MRPL15: variants seen among roughly 807,000 people sequenced by gnomAD.
MRPL15 encodes the protein large ribosomal subunit protein uL15m.
MRPL15 carries 24 observed loss-of-function variants against 28.0 expected under a neutral mutation model. That is an observed-to-expected ratio of 0.86 (90% CI 0.62 to 1.21). The LOEUF is 1.21. Ranked by LOEUF, MRPL15 falls within the 50% of genes most tolerant of loss-of-function variation. MRPL15 has a pLI of 0.00. For synonymous variants in MRPL15, 124 were observed against 137.0 expected (o/e 0.90, Z 0.66); for missense variants, 343 against 372.4 (o/e 0.92, Z 0.65).
chr8:54,136,569 A>C lies in MRPL15; in HGVS notation c.167A>C (p.Glu56Ala). Residue 56 changes from glutamate (E) to alanine (A), a missense_variant, in exon 2 of 5, where the codon GAA (glutamate) becomes GCA (alanine). Transcript: ENST00000260102. ...GRKCGRGHKGERQRGTRPRLG... is the reference protein window; with the variant it reads ...GRKCGRGHKGARQRGTRPRLG... ...AAATGTGGCAGAGGCCATAAAGGAG[A>C]AAGGCAAAGAGGAACCCGGCCCCGC... 1 of 1,614,208 alleles carries C rather than the reference A, an allele frequency of 6.2e-7. No individual in the cohort carries two copies. The highest frequency in any genetic ancestry group is 8.5e-7 in the Non-Finnish European group (1 of 1,180,032).
Position 54,138,832 on chromosome 8 carries a change from T to C in MRPL15, c.429+1399T>C, listed in dbSNP as rs554289493. Among the ~76,000 whole-genome samples, 22 of 152,120 alleles carry C rather than the reference T, an allele frequency of 1.4e-4. No individual in the cohort carries two copies. In the East Asian group the frequency reaches 4.3e-3, roughly 30 times the overall value. ...TTTGATTCATTGCTTTACTTTCTTC[T>C]TTATTTTTTTTGAGACAGTATCTCA... On this transcript the variant is annotated intron_variant, in intron 3 of 4. Transcript: ENST00000260102.
rs1217518964 is a variant in MRPL15, at chr8:54,148,059, A to G, written c.*340A>G. Among the ~76,000 whole-genome samples the G allele has an allele frequency of 6.6e-6, 1 of 152,150 alleles. No homozygotes were observed. The highest frequency in any genetic ancestry group is 1.5e-5 in the Non-Finnish European group (1 of 68,036). ...AGATCAGAATGAAATGCACAAGTGG[A>G]ATGGGATTGACCTGTAGGCCTGCTC... On this transcript the variant is annotated 3_prime_UTR_variant, in exon 5 of 5. Transcript: ENST00000260102.
rs11438921 is a variant in MRPL15, at chr8:54,141,854, A to ATTT, written c.430-795_430-793dup. Among the ~76,000 whole-genome samples the ATTT allele has an allele frequency of 8.1e-3, 1,141 of 140,028 alleles. 31 individuals are homozygous for ATTT. The highest frequency in any genetic ancestry group is 0.026 in the African/African-American group (994 of 37,632). 91.9% of individuals were successfully genotyped at this position (140,028 alleles called of 152,430 possible). On this transcript the variant is annotated intron_variant, in intron 3 of 4. Coordinates refer to ENST00000260102, the MANE Select transcript of MRPL15 (RefSeq NM_014175.4). ...GAATTGTTTTCTTATTGTTGTATTG[A>ATTT]TTTTTTTTTTTTTTTTGAGATGGAG...
rs1388705130 is a variant in MRPL15 at position 54,142,705 on chromosome 8, T to C, written c.472T>C (p.Leu158=). ...FTAKVNIEVQ[L]ASELAIAAIE... ...GGCAAAAGTTAATATTGAAGTACAG[T>C]TGGCTTCAGAACTAGCTATTGCTGC... Residue 158 remains leucine (L), a synonymous_variant, in exon 4 of 5, where the codon TTG becomes CTG. Coordinates refer to ENST00000260102, the MANE Select transcript of MRPL15 (RefSeq NM_014175.4). 1.9e-6 allele frequency: 3 copies of C among 1,614,086 alleles called. No homozygotes were observed. Among genetic ancestry groups the C allele is most frequent in the East Asian group, 4.5e-5 (2 of 44,884 alleles).
Position 54,135,371 on chromosome 8 carries a change from A to G in MRPL15, c.88A>G (p.Asn30Asp). The G allele has an allele frequency of 6.5e-7, 1 of 1,528,046 alleles. No individual in the cohort carries two copies. The highest frequency in any genetic ancestry group is 8.8e-7 in the Non-Finnish European group (1 of 1,135,022). The allele number at this position is 1,528,046 out of a possible 1,614,324, so 94.7% of individuals were successfully genotyped here. The stretch of plus-strand genomic sequence containing the variant: ...TGTGAGCCTGGCCAACTTAAAGCCG[A>G]ATCCCGGCTCCAAGAAACCGGTAAA... ...PRVSLANLKP[N>D]PGSKKPERRP... Residue 30 changes from asparagine (N) to aspartate (D), a missense_variant, in exon 1 of 5, where the codon AAT (asparagine) becomes GAT (aspartate). By Grantham distance (23) the Asn-to-Asp change is conservative. Transcript: ENST00000260102.
intron 3 of MRPL15, among the ~76,000 whole-genome samples, chr8:54,141,254 T>C (rs1810920343): frequency 6.6e-6 from 1 of 152,234 alleles, no homozygotes; most frequent in Non-Finnish European, 1.5e-5. Context: ...TGCGTTGGTA[T>C]TTCCATCTAT....
At chr8:54,137,558 G>A (rs1810848450) in intron 3 of MRPL15, 125 bp downstream of exon 3, 1 of 807,180 alleles carries the variant, frequency 1.2e-6, no homozygotes, top group African/African-American at 1.7e-5. Context: ...CACCTCACAA[G>A]TTCAAGTGAT....
intron 3 of MRPL15, among the ~76,000 whole-genome samples, chr8:54,141,883 T>G (rs1810932648): frequency 6.6e-6 from 1 of 150,450 alleles, no homozygotes; most frequent in Admixed American, 6.7e-5. Flanking sequence ...GATGGAGTCT[T>G]GCTCTGTCTC....
chr8:54,146,389 G>A (rs1248288003), intron 4 of MRPL15, among the ~76,000 whole-genome samples: 1 of 151,484 alleles, frequency 6.6e-6, no homozygotes, highest in African/African-American at 2.4e-5. Context: ...AGAGGTTGCA[G>A]TGAGCCGAGA....
intron 3 of MRPL15, among the ~76,000 whole-genome samples, chr8:54,137,985 C>T (rs569174032): frequency 2.6e-5 from 4 of 151,680 alleles, no homozygotes; most frequent in Admixed American, 1.3e-4. Flanking sequence ...GATGGAGTCT[C>T]GCTCTGTTGC....
intron 3 of MRPL15, among the ~76,000 whole-genome samples, chr8:54,138,594 C>A (rs1039261604): frequency 3.9e-5 from 6 of 151,954 alleles, no homozygotes; most frequent in African/African-American, 7.3e-5. Flanking sequence ...GCTGGGATTA[C>A]AGATGTGAGC....
In MRPL15 at chr8:54,135,343, G is replaced by C; in HGVS notation, c.60G>C (p.Pro20=). The C allele has an allele frequency of 6.6e-7, 1 of 1,508,342 alleles. No individual in the cohort carries two copies. Among genetic ancestry groups the C allele is most frequent in the Non-Finnish European group, 8.9e-7 (1 of 1,125,170 alleles). The allele number at this position is 1,508,342 out of a possible 1,614,324, so 93.4% of individuals were successfully genotyped here. A position where few individuals can be genotyped will look rare whatever the true frequency, so the allele number is the denominator to read the frequency against. Residue 20 remains proline, a synonymous_variant, in exon 1 of 5, where the codon CCG becomes CCC. Coordinates refer to ENST00000260102, the MANE Select transcript of MRPL15 (RefSeq NM_014175.4). ...ARALDLLRGL[P]RVSLANLKPN... is the part of the protein sequence containing the mutation. Reference sequence around the variant, plus strand: ...CCCTGGACCTACTCCGGGGCCTGCCGCGTGTGAGCCTGGCCAACTTAAAGC... The same window carrying C: ...CCCTGGACCTACTCCGGGGCCTGCCCCGTGTGAGCCTGGCCAACTTAAAGC...
rs202131264 is a variant in MRPL15, at chr8:54,135,288, C to T, written c.5C>T (p.Ala2Val). The T allele has an allele frequency of 2.3e-5, 32 of 1,378,298 alleles. No individual in the cohort carries two copies. The East Asian group carries it at 8.6e-4, about 37-fold the overall frequency. The allele number at this position is 1,378,298 out of a possible 1,614,324, so 85.4% of individuals were successfully genotyped here. ...AAGTTCTTGGATCTGCGGGTTATGGCCGGTCCCTTGCAGGGCGGTGGGGCC... is the reference window on the plus strand; with the variant it reads ...AAGTTCTTGGATCTGCGGGTTATGGTCGGTCCCTTGCAGGGCGGTGGGGCC... M[A>V]GPLQGGGARA... Residue 2 changes from alanine (A) to valine (V), a missense_variant, in exon 1 of 5, where the codon GCC (alanine) becomes GTC (valine). By Grantham distance (64) the Ala-to-Val change is moderately conservative (BLOSUM62 0). Transcript: ENST00000260102.
At chr8:54,136,743 T>G in intron 2 of MRPL15, 78 bp downstream of exon 2, 2 of 1,490,758 alleles carry the variant, frequency 1.3e-6, no homozygotes, top group African/African-American at 2.8e-5. Context: ...GGTAGAAATT[T>G]TGGTGGAAAT....
At chr8:54,141,459 T>A (rs971532783) in intron 3 of MRPL15, among the ~76,000 whole-genome samples, 2 of 152,234 alleles carry the variant, frequency 1.3e-5, no homozygotes, top group African/African-American at 4.8e-5. Flanking sequence ...GAATGCTTAG[T>A]AGGTGTACAT....
intron 3 of MRPL15, among the ~76,000 whole-genome samples, chr8:54,141,118 G>A (rs1478461091): frequency 6.6e-6 from 1 of 152,048 alleles, no homozygotes; most frequent in African/African-American, 2.4e-5. Context: ...GCTTACTTAG[G>A]GATAAGGAAG....
chr8:54,142,934 G>A (rs1810956069), intron 4 of MRPL15, 148 bp downstream of exon 4: 1 of 1,184,938 alleles, frequency 8.4e-7, no homozygotes, highest in African/African-American at 1.5e-5. Context: ...ATGATTTAAA[G>A]AATACAGCCT....
chr8:54,142,650 T>G lies in MRPL15; in HGVS notation c.430-13T>G. ...CAAGCTGTTTACCAACAGACTGTTTTGACATATTTCAGGGTGCTGACACCT... is the reference window on the plus strand; with the variant it reads ...CAAGCTGTTTACCAACAGACTGTTTGGACATATTTCAGGGTGCTGACACCT... On this transcript the variant is annotated splice_polypyrimidine_tract_variant and intron_variant, in intron 3 of 4. Coordinates refer to ENST00000260102, the MANE Select transcript of MRPL15 (RefSeq NM_014175.4). 6.2e-7 allele frequency: 1 copy of G among 1,611,296 alleles called. No individual in the cohort carries two copies. Among genetic ancestry groups the G allele is most frequent in the Non-Finnish European group, 8.5e-7 (1 of 1,179,190 alleles).
intron 4 of MRPL15, among the ~76,000 whole-genome samples, chr8:54,146,425 C>T (rs568267976): frequency 3.4e-5 from 5 of 147,588 alleles, no homozygotes; most frequent in South Asian, 2.2e-4. Flanking sequence ...CTAGCCTGGG[C>T]GACAGAGCGA....
Sources: allele counts gnomAD v4.1 joint callset (sites outside exome capture counted in the v4.1 genomes callset), GRCh38; gene constraint gnomAD v4.1.1; transcripts MANE v1.5; gene names NCBI Gene and HGNC (gene_info 2026-07-23, HGNC 2026-07-21).